Variants in ZNF397 observed in about 807,000 individuals in gnomAD.
ZNF397 encodes zinc finger and SCAN domain-containing protein 15.
In ZNF397, 38 loss-of-function variants were observed where a neutral mutation model predicts 50.6. The ratio of observed to expected loss-of-function variants is 0.75; its 90% CI spans 0.58 to 0.98. ZNF397 has a LOEUF of 0.98. Ranked by LOEUF, ZNF397 falls within the 50% of genes least tolerant of loss-of-function variation. The pLI is 0.00. For synonymous variants in ZNF397, 228 were observed against 215.2 expected (o/e 1.06, Z -0.52); for missense variants, 624 against 624.1 (o/e 1.00, Z 0.00).
chr18:35,246,934 C>A lies in ZNF397; in HGVS notation c.*624C>A. 1.1e-6 allele frequency: 1 copy of A among 906,108 alleles called. No individual in the cohort carries two copies. The highest frequency in any genetic ancestry group is 1.3e-6 in the Non-Finnish European group (1 of 757,666). The allele number at this position is 906,108 out of a possible 1,614,324, so 56.1% of individuals were successfully genotyped here. A position where few individuals can be genotyped will look rare whatever the true frequency, so the allele number is the denominator to read the frequency against. ...ACTGTAGTCTCTACAGTCTAATGGG[C>A]AAGGCAGCCAGACAGGCAGTGAAAG... On this transcript the variant is annotated 3_prime_UTR_variant, in exon 4 of 4. Transcript: ENST00000330501.
rs867629167 is a variant in ZNF397 at position 35,247,249 on chromosome 18, G to A, written c.*939G>A. On this transcript the variant is annotated 3_prime_UTR_variant, in exon 4 of 4. Coordinates refer to ENST00000330501, the MANE Select transcript of ZNF397 (RefSeq NM_001135178.3). ...AAAACCTGGAGCCCTTGGGCCACAG[G>A]GTAGTCAAGAGCTTTGTCTTGGTTT... 1 of 909,678 alleles carries A rather than the reference G, an allele frequency of 1.1e-6. No individual in the cohort carries two copies. Among genetic ancestry groups the A allele is most frequent in the African/African-American group, 1.8e-5 (1 of 55,740 alleles). The allele number at this position is 909,678 out of a possible 1,614,324, so 56.4% of individuals were successfully genotyped here.
Position 35,247,255 on chromosome 18 carries a change from C to T in ZNF397, c.*945C>T. The stretch of plus-strand genomic sequence containing the variant: ...TGGAGCCCTTGGGCCACAGGGTAGT[C>T]AAGAGCTTTGTCTTGGTTTATGTGA... On this transcript the variant is annotated 3_prime_UTR_variant, in exon 4 of 4. Transcript: ENST00000330501. 1 of 886,886 alleles carries T rather than the reference C, an allele frequency of 1.1e-6. No homozygotes were observed. Among genetic ancestry groups the T allele is most frequent in the Non-Finnish European group, 1.4e-6 (1 of 740,052 alleles). 54.9% of individuals were successfully genotyped at this position (886,886 alleles called of 1,614,324 possible).
downstream of ZNF397, chr18:35,254,654 G>A: frequency 7.7e-6 from 4 of 518,396 alleles, no homozygotes; most frequent in Admixed American, 3.3e-5. Context: ...TGACAAACAG[G>A]AATATTGGCG....
Position 35,246,418 on chromosome 18 carries a change from T to G in ZNF397, c.*108T>G. ...TCCATAAAGGTTATAAAATACTAGG[T>G]CTTGAGTCTAGCTTGCTTTGTGCAG... On this transcript the variant is annotated 3_prime_UTR_variant, in exon 4 of 4. Coordinates refer to ENST00000330501, the MANE Select transcript of ZNF397 (RefSeq NM_001135178.3). 2 of 1,454,968 alleles carry G rather than the reference T, an allele frequency of 1.4e-6. No individual in the cohort carries two copies. Among genetic ancestry groups the G allele is most frequent in the Non-Finnish European group, 1.8e-6 (2 of 1,105,812 alleles). 90.1% of individuals were successfully genotyped at this position (1,454,968 alleles called of 1,614,324 possible).
chr18:35,248,856 A>G lies in ZNF397; in HGVS notation c.*2546A>G, dbSNP rs1164701717. On this transcript the variant is annotated 3_prime_UTR_variant, in exon 4 of 4. Transcript: ENST00000330501. ...CTGTCTCCAAACCAAAAAAAAAGGA[A>G]AAAAGTAAATGTAATAGATACTTGC... 1 of 152,198 alleles carries G rather than the reference A, an allele frequency of 6.6e-6. No individual in the cohort carries two copies. Among genetic ancestry groups the G allele is most frequent in the African/African-American group, 2.4e-5 (1 of 41,424 alleles). 9.4% of individuals were successfully genotyped at this position (152,198 alleles called of 1,614,324 possible). A position where few individuals can be genotyped will look rare whatever the true frequency, so the allele number is the denominator to read the frequency against.
intron 5 of ZNF397, chr18:35,256,378 G>A (rs1396891310): frequency 6.6e-6 from 1 of 152,026 alleles, no homozygotes; most frequent in East Asian, 1.9e-4. Context: ...TGGCCAACAT[G>A]GCAAAACCCC....
chr18:35,245,646 A>C lies in ZNF397; in HGVS notation c.941A>C (p.Lys314Thr). Residue 314 changes from lysine to threonine, a missense_variant, in exon 4 of 4, where the codon AAA (lysine) becomes ACA (threonine). Lys to Thr is a moderately conservative substitution (Grantham distance 78). Transcript: ENST00000330501. ...QRIHTGEKPY[K>T]CNQCGKAFSL... ...ATCCATACTGGAGAAAAGCCCTATAAATGTAACCAGTGTGGGAAGGCCTTT... is the reference window on the plus strand; with the variant it reads ...ATCCATACTGGAGAAAAGCCCTATACATGTAACCAGTGTGGGAAGGCCTTT... 3 of 1,554,396 alleles carry C rather than the reference A, an allele frequency of 1.9e-6. No individual in the cohort carries two copies. Among genetic ancestry groups the C allele is most frequent in the Non-Finnish European group, 2.6e-6 (3 of 1,148,444 alleles).
At chr18:35,253,290 A>G (rs2043660037), downstream of ZNF397, 3 of 545,008 alleles carry the variant, frequency 5.5e-6, no homozygotes, top group South Asian at 7.1e-5. Flanking sequence ...TAACACTTCA[A>G]TAATCATAAC....
rs980186538 is a variant in ZNF397 at position 35,248,113 on chromosome 18, T to C, written c.*1803T>C. 6.6e-6 allele frequency: 1 copy of C among 152,222 alleles called. No individual in the cohort carries two copies. Among genetic ancestry groups the C allele is most frequent in the Non-Finnish European group, 1.5e-5 (1 of 68,044 alleles). The allele number at this position is 152,222 out of a possible 1,614,324, so 9.4% of individuals were successfully genotyped here. A position where few individuals can be genotyped will look rare whatever the true frequency, so the allele number is the denominator to read the frequency against. On this transcript the variant is annotated 3_prime_UTR_variant, in exon 4 of 4. Transcript: ENST00000330501. ...TGATGCTTAGTGTAAGAAGGAATGT[T>C]GTACAGGTTAACCAGCAACACAAAG...
chr18:35,255,288 T>A (rs1337189226), intron 5 of ZNF397, among the ~76,000 whole-genome samples: 3 of 151,548 alleles, frequency 2.0e-5, no homozygotes, highest in Non-Finnish European at 4.4e-5. Flanking sequence ...AGATGGGGCA[T>A]ATTATGTCAG....
chr18:35,255,625 G>T (rs977391260), intron 5 of ZNF397, among the ~76,000 whole-genome samples: 1 of 152,068 alleles, frequency 6.6e-6, no homozygotes, highest in African/African-American at 2.4e-5. Flanking sequence ...AAAGCATTAT[G>T]CTTTTATATA....
downstream of ZNF397, chr18:35,252,210 T>A (rs1190958753): frequency 6.6e-6 from 1 of 152,188 alleles, no homozygotes; most frequent in East Asian, 1.9e-4. Flanking sequence ...CCTGTGAGAC[T>A]CTGAAGTACT....
At chr18:35,253,580 T>C, downstream of ZNF397, 1 of 1,613,856 alleles carries the variant, frequency 6.2e-7, no homozygotes. Flanking sequence ...GGCTGAGCTC[T>C]GATTGAAGGA....
rs1254781890 is a variant in ZNF397 at position 35,241,050 on chromosome 18, T to C, written c.-140T>C. 1.3e-5 allele frequency: 2 copies of C among 152,254 alleles called. No homozygotes were observed. 9.4% of individuals were successfully genotyped at this position (152,254 alleles called of 1,614,324 possible). On this transcript the variant is annotated 5_prime_UTR_variant, in exon 1 of 4. Transcript: ENST00000330501. ...GAACACTGCGTACGCGCACTTCCGGTCTTTGTGGCTTGCAGCTCGGGGTGG... is the reference window on the plus strand; with the variant it reads ...GAACACTGCGTACGCGCACTTCCGGCCTTTGTGGCTTGCAGCTCGGGGTGG...
At chr18:35,253,909 T>C (rs144497235), downstream of ZNF397, 72 of 1,614,168 alleles carry the variant, frequency 4.5e-5, no homozygotes, top group African/African-American at 6.8e-4. Flanking sequence ...TAACAAGGTC[T>C]GAGCTCAAAC....
downstream of ZNF397, among the ~76,000 whole-genome samples, chr18:35,250,258 C>T (rs1198211599): frequency 1.3e-5 from 2 of 152,186 alleles, no homozygotes; most frequent in African/African-American, 4.8e-5. Context: ...ACTCTAGACC[C>T]TCACTTAAAG....
chr18:35,245,033 G>A (rs185628329), intron 3 of ZNF397, among the ~76,000 whole-genome samples: 16 of 152,218 alleles, frequency 1.1e-4, no homozygotes, highest in African/African-American at 3.9e-4. Context: ...AAAATTGTAG[G>A]TAATTTATCA....
rs1414871952 is a variant in ZNF397 at position 35,248,406 on chromosome 18, T to C, written c.*2096T>C. 1 of 152,154 alleles carries C rather than the reference T, an allele frequency of 6.6e-6. No homozygotes were observed. 9.4% of individuals were successfully genotyped at this position (152,154 alleles called of 1,614,324 possible). Reference sequence around the variant, plus strand: ...AAAAGATGTAAGAGATTAAAATACGTGGTAAGAGCTACTCAACTCTTGTTT... The same window carrying C: ...AAAAGATGTAAGAGATTAAAATACGCGGTAAGAGCTACTCAACTCTTGTTT... On this transcript the variant is annotated 3_prime_UTR_variant, in exon 4 of 4. Transcript: ENST00000330501.
rs2043482119 is a variant in ZNF397 at position 35,246,331 on chromosome 18, T to G, written c.*21T>G. On this transcript the variant is annotated 3_prime_UTR_variant, in exon 4 of 4. Transcript: ENST00000330501. ...AGTAATTTGTGAATACTGTGAATAG[T>G]GTAAATACTTCAGTCAGATTTTTAA... 1 of 1,492,876 alleles carries G rather than the reference T, an allele frequency of 6.7e-7. No homozygotes were observed. The highest frequency in any genetic ancestry group is 2.5e-5 in the East Asian group (1 of 40,474). The allele number at this position is 1,492,876 out of a possible 1,614,324, so 92.5% of individuals were successfully genotyped here. A position where few individuals can be genotyped will look rare whatever the true frequency, so the allele number is the denominator to read the frequency against.
Sources: gnomAD v4.1 joint callset for allele counts (sites outside exome capture counted in the v4.1 genomes callset) on GRCh38, gnomAD v4.1.1 for gene constraint, MANE v1.5 for transcripts, NCBI Gene and HGNC (gene_info 2026-07-23, HGNC 2026-07-21) for gene names.